The following SUDS3 variants were observed in gnomAD, a reference collection of about 807,000 sequenced individuals.
SUDS3 encodes the protein SIN3A corepressor complex component SDS3, also known as sin3 histone deacetylase corepressor complex component SDS3.
SUDS3 carries 23 observed loss-of-function variants against 53.5 expected under a neutral mutation model. The ratio of observed to expected loss-of-function variants is 0.43; its 90% CI spans 0.31 to 0.61. The LOEUF is 0.61. SUDS3 is among the 20% of genes least tolerant of loss of function. The probability of loss-of-function intolerance (pLI) is 0.10; values close to 1 mark genes in which losing one functional copy is unlikely to be tolerated. For synonymous variants in SUDS3, 150 were observed against 148.5 expected (o/e 1.01, Z -0.08); for missense variants, 291 against 405.9 (o/e 0.72, Z 2.43).
intron 10 of SUDS3, among the ~76,000 whole-genome samples, chr12:118,408,609 C>T (rs2046329891): frequency 6.6e-6 from 1 of 152,192 alleles, no homozygotes; most frequent in Non-Finnish European, 1.5e-5. Flanking sequence ...GCTGGGATTA[C>T]AGGCGTGAGC....
chr12:118,391,080 G>A (rs762291850), intron 5 of SUDS3, 46 bp from the exon 6 acceptor site: 1 of 1,606,566 alleles, frequency 6.2e-7, no homozygotes, highest in Non-Finnish European at 8.5e-7. Flanking sequence ...TGGAGCCCTG[G>A]CTCCCAGGGC....
intron 6 of SUDS3, among the ~76,000 whole-genome samples, chr12:118,393,113 A>T (rs1047654849): frequency 1.3e-5 from 2 of 152,166 alleles, no homozygotes; most frequent in Non-Finnish European, 2.9e-5. Flanking sequence ...GTAATGATGG[A>T]GTGTTGGAAG....
intron 5 of SUDS3, among the ~76,000 whole-genome samples, 164 bp downstream of exon 5, chr12:118,390,110 C>T (rs1348273932): frequency 2.6e-5 from 4 of 152,194 alleles, no homozygotes. Flanking sequence ...GACATCCTGT[C>T]TGGTCATTTG....
chr12:118,416,857 C>T lies in SUDS3; in HGVS notation c.*2424C>T, dbSNP rs938682125. The T allele has an allele frequency of 6.6e-6, 1 of 152,216 alleles. No homozygotes were observed. Among genetic ancestry groups the T allele is most frequent in the Non-Finnish European group, 1.5e-5 (1 of 68,058 alleles). The allele number at this position is 152,216 out of a possible 1,614,324, so 9.4% of individuals were successfully genotyped here. ...ATTATTCCAAAAGGTCATTGTTTCT[C>T]ACTAGACCCCAGGGCACCAGATGAA... is the stretch of plus-strand genomic sequence containing the variant. On this transcript the variant is annotated 3_prime_UTR_variant, in exon 12 of 12. Transcript: ENST00000543473.
chr12:118,414,537 C>T lies in SUDS3; in HGVS notation c.*104C>T. 1.1e-6 allele frequency: 1 copy of T among 950,228 alleles called. No individual in the cohort carries two copies. The highest frequency in any genetic ancestry group is 1.7e-5 in the African/African-American group (1 of 59,956). 58.9% of individuals were successfully genotyped at this position (950,228 alleles called of 1,614,324 possible). A position where few individuals can be genotyped will look rare whatever the true frequency, so the allele number is the denominator to read the frequency against. On this transcript the variant is annotated 3_prime_UTR_variant, in exon 12 of 12. Transcript: ENST00000543473. The stretch of plus-strand genomic sequence containing the variant: ...AAAAATGTTAACTTACTGGGAATAG[C>T]TACTCAGCCTTGGAAATGGAGAGCA...
intron 10 of SUDS3, among the ~76,000 whole-genome samples, chr12:118,409,463 A>G (rs2046339690): frequency 6.6e-6 from 1 of 152,188 alleles, no homozygotes; most frequent in African/African-American, 2.4e-5. Flanking sequence ...TGTTTCTTTT[A>G]ACAGTATTTT....
intron 2 of SUDS3, among the ~76,000 whole-genome samples, chr12:118,381,394 T>G (rs564048805): frequency 5.9e-5 from 9 of 151,326 alleles, no homozygotes; most frequent in South Asian, 2.1e-4. Context: ...TTTATTTTTT[T>G]TGTGTGGAGA....
intron 6 of SUDS3, among the ~76,000 whole-genome samples, 186 bp downstream of exon 6, chr12:118,391,468 C>T (rs890783539): frequency 6.6e-6 from 1 of 152,196 alleles, no homozygotes; most frequent in Non-Finnish European, 1.5e-5. Flanking sequence ...TGCTTAACTT[C>T]TCTTTTCTCC....
chr12:118,377,569 C>T (rs2046012214), intron 1 of SUDS3, among the ~76,000 whole-genome samples: 1 of 150,148 alleles, frequency 6.7e-6, no homozygotes, highest in Non-Finnish European at 1.5e-5. Context: ...TTAATGGTCC[C>T]CAGGTGTTGT....
intron 5 of SUDS3, 107 bp from the exon 6 acceptor site, chr12:118,391,019 G>A (rs754831055): frequency 2.9e-5 from 36 of 1,253,042 alleles, no homozygotes; most frequent in Non-Finnish European, 3.5e-5. Flanking sequence ...GTGTGTGTGA[G>A]GGGGAAACTC....
intron 4 of SUDS3, among the ~76,000 whole-genome samples, chr12:118,386,653 T>C (rs1331337633): frequency 6.6e-6 from 1 of 152,210 alleles, no homozygotes; most frequent in Non-Finnish European, 1.5e-5. Flanking sequence ...ACTTGATTAG[T>C]TGTATACAGT....
At chr12:118,385,255 C>G (rs2141364535) in intron 3 of SUDS3, among the ~76,000 whole-genome samples, 1 of 152,260 alleles carries the variant, frequency 6.6e-6, no homozygotes, top group East Asian at 1.9e-4. Flanking sequence ...ATTACAGACG[C>G]CTGCCACCAG....
chr12:118,389,363 C>T (rs2046144343), intron 4 of SUDS3, among the ~76,000 whole-genome samples: 1 of 152,138 alleles, frequency 6.6e-6, no homozygotes, highest in Non-Finnish European at 1.5e-5. Flanking sequence ...TGCATTATTT[C>T]TTCTTGACCC....
intron 8 of SUDS3, 77 bp downstream of exon 8, chr12:118,401,897 T>G: frequency 6.3e-7 from 1 of 1,588,142 alleles, no homozygotes; most frequent in Non-Finnish European, 8.6e-7. Flanking sequence ...AACATGTTAC[T>G]TGTTAATCAT....
At chr12:118,382,061 A>T (rs1358423084) in intron 2 of SUDS3, among the ~76,000 whole-genome samples, 1 of 151,616 alleles carries the variant, frequency 6.6e-6, no homozygotes, top group African/African-American at 2.4e-5. Context: ...TTTTTTTGAA[A>T]CAGAGTCTCA....
At chr12:118,381,837 A>G (rs1462702062) in intron 2 of SUDS3, among the ~76,000 whole-genome samples, 2 of 152,246 alleles carry the variant, frequency 1.3e-5, no homozygotes, top group Non-Finnish European at 2.9e-5. Context: ...GGAAAACGGT[A>G]TAAAGTATAT....
chr12:118,415,709 C>G lies in SUDS3; in HGVS notation c.*1276C>G, dbSNP rs1481942832. ...AACTTACACATCCTAGGAAATCTTT[C>G]TTTGTAAGTAATTCTTTTGGTCTCA... On this transcript the variant is annotated 3_prime_UTR_variant, in exon 12 of 12. Coordinates refer to ENST00000543473, the MANE Select transcript of SUDS3 (RefSeq NM_022491.3). 3 of 152,258 alleles carry G rather than the reference C, an allele frequency of 2.0e-5. No homozygotes were observed. Among genetic ancestry groups the G allele is most frequent in the Non-Finnish European group, 4.4e-5 (3 of 68,006 alleles). 9.4% of individuals were successfully genotyped at this position (152,258 alleles called of 1,614,324 possible).
chr12:118,388,336 G>C (rs542265397), intron 4 of SUDS3, among the ~76,000 whole-genome samples: 14 of 152,260 alleles, frequency 9.2e-5, no homozygotes, highest in Non-Finnish European at 1.8e-4. Context: ...CTTTGTTCTG[G>C]GGAAGGGGTC....
At chr12:118,408,031 G>C (rs200310308) in intron 10 of SUDS3, among the ~76,000 whole-genome samples, 1 of 152,020 alleles carries the variant, frequency 6.6e-6, no homozygotes. Flanking sequence ...CTCCCAAGTA[G>C]CTGGGACTAC....
Sources: allele counts gnomAD v4.1 joint callset (sites outside exome capture counted in the v4.1 genomes callset), GRCh38; gene constraint gnomAD v4.1.1; transcripts MANE v1.5; gene names NCBI Gene and HGNC (gene_info 2026-07-23, HGNC 2026-07-21).